Variants in TRIQK observed in about 807,000 individuals in gnomAD.
TRIQK encodes triple QxxK/R motif containing.
TRIQK carries 10 observed loss-of-function variants against 10.8 expected under a neutral mutation model. The ratio of observed to expected loss-of-function variants is 0.92; its 90% CI spans 0.57 to 1.57. The LOEUF (loss-of-function observed/expected upper bound fraction) is 1.57. Among genes scored for constraint, TRIQK ranks in the 40% most tolerant of loss-of-function variants. The pLI is 0.00. For synonymous variants in TRIQK, 33 were observed against 33.7 expected, an observed-to-expected ratio of 0.98 and a Z score of 0.07; for missense variants, 107 against 97.7, an observed-to-expected ratio of 1.09 and a Z score of -0.40.
chr8:93,006,687 G>A (rs546220099), intron 1 of TRIQK, among the ~76,000 whole-genome samples: 135 of 152,302 alleles, frequency 8.9e-4, no homozygotes, highest in African/African-American at 3.0e-3. Flanking sequence ...AGACCGGATG[G>A]ATTGGACCCA....
At chr8:92,990,158 A>G (rs952489025) in intron 1 of TRIQK, among the ~76,000 whole-genome samples, 8 of 152,244 alleles carry the variant, frequency 5.3e-5, no homozygotes, top group Non-Finnish European at 8.8e-5. Flanking sequence ...GAAACAGTAT[A>G]TTATGCTCTT....
intron 1 of TRIQK, among the ~76,000 whole-genome samples, chr8:92,991,305 A>AG (rs1166324584): frequency 1.3e-5 from 2 of 152,116 alleles, no homozygotes; most frequent in Non-Finnish European, 2.9e-5. Context: ...CACCTGGGAG[A>AG]GGGGGTGGCT....
At position 92,944,321 on chromosome 8, in the gene TRIQK, T is replaced by A. The variant is rs1304940441; in HGVS notation, c.-22+10085A>T. ...AGGTTACTCAAAAAAAAAAAAAAAA[T>A]AGAACTACTATATGACCCAGCAATC... On this transcript the variant is annotated intron_variant, in intron 2 of 4. Coordinates refer to ENST00000521988, the MANE Select transcript of TRIQK (RefSeq NM_001171797.2). Among the ~76,000 whole-genome samples the A allele has an allele frequency of 3.3e-3, 396 of 120,450 alleles. 1 individual carries two copies. The highest frequency in any genetic ancestry group is 7.3e-3 in the African/African-American group (239 of 32,772). 79.0% of individuals were successfully genotyped at this position (120,450 alleles called of 152,430 possible).
intron 3 of TRIQK, among the ~76,000 whole-genome samples, chr8:92,906,865 C>A (rs1045850568): frequency 6.6e-6 from 1 of 151,642 alleles, no homozygotes; most frequent in African/African-American, 2.4e-5. Context: ...TACACTCCAG[C>A]CTGGGAGACA....
chr8:92,903,195 T>C (rs1007226738), intron 3 of TRIQK, among the ~76,000 whole-genome samples: 11 of 152,104 alleles, frequency 7.2e-5, no homozygotes, highest in African/African-American at 2.7e-4. Flanking sequence ...ACATTTCACA[T>C]TTTAATGTAA....
At chr8:92,936,675 C>A (rs1240819504) in intron 2 of TRIQK, among the ~76,000 whole-genome samples, 1 of 151,252 alleles carries the variant, frequency 6.6e-6, no homozygotes, top group Non-Finnish European at 1.5e-5. Flanking sequence ...GGGGAAAGAG[C>A]ATAGGGGATT....
chr8:92,962,808 T>A (rs1812526452), intron 1 of TRIQK, among the ~76,000 whole-genome samples: 1 of 152,210 alleles, frequency 6.6e-6, no homozygotes, highest in Admixed American at 6.5e-5. Flanking sequence ...TGAAAAGCAG[T>A]AATTGTAAGT....
At chr8:92,979,545 A>G (rs1356345264) in intron 1 of TRIQK, among the ~76,000 whole-genome samples, 2 of 152,062 alleles carry the variant, frequency 1.3e-5, no homozygotes, top group Admixed American at 1.3e-4. Context: ...GGGTATTGCA[A>G]AGACCTTGCC....
chr8:92,982,674 T>C (rs1019770411), intron 1 of TRIQK, among the ~76,000 whole-genome samples: 1 of 152,068 alleles, frequency 6.6e-6, no homozygotes, highest in Admixed American at 6.6e-5. Context: ...CTTTTAAGTG[T>C]TCCCATAGAA....
chr8:92,940,027 A>T (rs1054635655), intron 2 of TRIQK, among the ~76,000 whole-genome samples: 1 of 152,158 alleles, frequency 6.6e-6, no homozygotes, highest in Non-Finnish European at 1.5e-5. Context: ...TCCACCTAAT[A>T]GGAGAGCCCA....
intron 1 of TRIQK, among the ~76,000 whole-genome samples, chr8:93,011,447 A>G (rs769256697): frequency 1.3e-5 from 2 of 152,142 alleles, no homozygotes; most frequent in African/African-American, 2.4e-5. Flanking sequence ...TACAGATGGA[A>G]AAATTGGTGG....
chr8:92,900,546 C>T (rs972532883), intron 3 of TRIQK, among the ~76,000 whole-genome samples: 1 of 152,020 alleles, frequency 6.6e-6, no homozygotes, highest in African/African-American at 2.4e-5. Context: ...AATGAGCTCA[C>T]TGTAGATGTA....
intron 2 of TRIQK, among the ~76,000 whole-genome samples, chr8:92,921,961 T>A (rs536301037): frequency 6.6e-6 from 1 of 151,924 alleles, no homozygotes; most frequent in South Asian, 2.1e-4. Context: ...ATAATTTTTA[T>A]CCATATGTGA....
In TRIQK at chr8:92,919,446, T is replaced by C. The variant is rs151174979; in HGVS notation, c.-21-2436A>G. On this transcript the variant is annotated intron_variant, in intron 2 of 4. Coordinates refer to ENST00000521988, the MANE Select transcript of TRIQK (RefSeq NM_001171797.2). ...TGCTGTTGTGATACATCATGTTTAT[T>C]GATATGTGTATGTTGAACCATCCCT... Among the ~76,000 whole-genome samples, 405 of 152,076 alleles carry C rather than the reference T, an allele frequency of 2.7e-3. 2 individuals carry two copies. Among genetic ancestry groups the C allele is most frequent in the African/African-American group, 9.4e-3 (390 of 41,568 alleles).
chr8:92,892,139 A>G, intron 3 of TRIQK, 65 bp from the exon 4 acceptor site: 1 of 1,142,920 alleles, frequency 8.7e-7, no homozygotes. Flanking sequence ...CAATCATTTG[A>G]AATGTCAAAG....
intron 1 of TRIQK, among the ~76,000 whole-genome samples, chr8:92,995,692 A>T (rs760133179): frequency 3.3e-5 from 5 of 152,082 alleles, no homozygotes; most frequent in African/African-American, 7.2e-5. Context: ...TGTTTCTTCC[A>T]GAAAGTCAAA....
intron 1 of TRIQK, among the ~76,000 whole-genome samples, chr8:92,987,787 G>A (rs922497400): frequency 1.3e-5 from 2 of 151,814 alleles, no homozygotes; most frequent in African/African-American, 2.4e-5. Flanking sequence ...TGTTTTTGAA[G>A]AATATTTAAA....
At chr8:92,897,195 A>G (rs1287935126) in intron 3 of TRIQK, among the ~76,000 whole-genome samples, 2 of 152,168 alleles carry the variant, frequency 1.3e-5, no homozygotes, top group African/African-American at 2.4e-5. Context: ...CTCGAGACGA[A>G]TGATGCCTTG....
chr8:92,941,520 G>A (rs1811271781), intron 2 of TRIQK, among the ~76,000 whole-genome samples: 1 of 151,934 alleles, frequency 6.6e-6, no homozygotes, highest in Admixed American at 6.6e-5. Flanking sequence ...ACATAACATT[G>A]CACCTCAAGG....
Sources: allele counts gnomAD v4.1 joint callset (sites outside exome capture counted in the v4.1 genomes callset), GRCh38; gene constraint gnomAD v4.1.1; transcripts MANE v1.5; gene names NCBI Gene and HGNC (gene_info 2026-07-23, HGNC 2026-07-21).